The following ADAMTS19 variants were observed in gnomAD, a reference collection of about 807,000 sequenced individuals.
The protein encoded by ADAMTS19 is A disintegrin and metalloproteinase with thrombospondin motifs 19.
A neutral mutation model predicts 153.3 loss-of-function variants in ADAMTS19; 93 were observed. The observed-to-expected ratio is 0.61, with a 90% CI of 0.51 to 0.72. The LOEUF (loss-of-function observed/expected upper bound fraction) is 0.72, where lower values mean the gene tolerates loss of function less well. ADAMTS19 is among the 30% of genes least tolerant of loss of function. ADAMTS19 has a pLI of 0.00. For synonymous variants in ADAMTS19, 600 were observed against 556.6 expected (o/e 1.08, Z -1.10); for missense variants, 1,482 against 1,552.1 (o/e 0.95, Z 0.76).
intron 8 of ADAMTS19, 95 bp downstream of exon 8, chr5:129,596,759 G>T: frequency 1.1e-6 from 1 of 952,248 alleles, no homozygotes; most frequent in Admixed American, 2.7e-5. Flanking sequence ...TTTTAATTTG[G>T]GCTTCAAGTT....
Position 129,460,327 on chromosome 5 carries a change from C to T in ADAMTS19, c.-65C>T, listed in dbSNP as rs902239579. The stretch of plus-strand genomic sequence containing the variant: ...TCCTAGCGCTCCGGGGAGGCCGCTG[C>T]GCCCCGGAGTGGATCGCGCTGGAGG... On this transcript the variant is annotated 5_prime_UTR_variant, in exon 1 of 23. Transcript: ENST00000274487. 2 of 1,333,378 alleles carry T rather than the reference C, an allele frequency of 1.5e-6. No homozygotes were observed. Among genetic ancestry groups the T allele is most frequent in the Non-Finnish European group, 1.0e-6 (1 of 972,104 alleles). The allele number at this position is 1,333,378 out of a possible 1,614,324, so 82.6% of individuals were successfully genotyped here.
intron 13 of ADAMTS19, among the ~76,000 whole-genome samples, chr5:129,649,260 G>A (rs1447804129): frequency 6.6e-6 from 1 of 152,140 alleles, no homozygotes; most frequent in Non-Finnish European, 1.5e-5. Flanking sequence ...TGCTTGGTGG[G>A]ATTGTAAAAT....
At chr5:129,489,318 T>C (rs372477107) in intron 2 of ADAMTS19, among the ~76,000 whole-genome samples, 14 of 152,200 alleles carry the variant, frequency 9.2e-5, no homozygotes, top group Admixed American at 7.2e-4. Context: ...ATGTTAACAA[T>C]AAGAAAAATA....
intron 18 of ADAMTS19, among the ~76,000 whole-genome samples, chr5:129,685,329 G>C (rs1211858260): frequency 1.3e-5 from 2 of 150,930 alleles, no homozygotes; most frequent in Non-Finnish European, 2.9e-5. Context: ...GAGATGAGGA[G>C]AAATAAGCAA....
intron 2 of ADAMTS19, among the ~76,000 whole-genome samples, chr5:129,479,643 GT>G (rs1314381378): frequency 6.6e-6 from 1 of 152,010 alleles, no homozygotes; most frequent in African/African-American, 2.4e-5. Flanking sequence ...ACAAATACGA[GT>G]TTTTTTATAG....
rs1040271619 is a variant in ADAMTS19, at chr5:129,605,249, T to C, written c.1478+8585T>C. On this transcript the variant is annotated intron_variant, in intron 8 of 22. Coordinates refer to ENST00000274487, the MANE Select transcript of ADAMTS19 (RefSeq NM_133638.6). ...CAGAACCTTCCAAGAGCTTCCTGGTTCACTCTGTAAAATCCCCAGCCCACA... is the reference window on the plus strand; with the variant it reads ...CAGAACCTTCCAAGAGCTTCCTGGTCCACTCTGTAAAATCCCCAGCCCACA... Among the ~76,000 whole-genome samples the C allele has an allele frequency of 2.6e-5, 4 of 152,218 alleles. No homozygotes were observed. The East Asian group carries it at 7.7e-4, about 29-fold the overall frequency.
rs146703140 is a variant in ADAMTS19, at chr5:129,701,420, G to A, written c.2987G>A (p.Arg996Gln). The part of the protein sequence containing the change: ...WMMTEWTPCS[R>Q]TCGKGMQSRQ... ...ATGACAGAATGGACCCCTTGTTCAC[G>A]AACTTGTGGAAAAGGAATGCAGAGC... The change falls in exon 20 of 23, where the codon CGA becomes CAA. Residue 996 changes from arginine to glutamine, a missense_variant. Arg to Gln is a conservative substitution (Grantham distance 43). Around this residue, in one of 2 missense-constraint regions of ADAMTS19, gnomAD observed 616 missense variants for 724.4 expected, o/e 0.85. Coordinates refer to ENST00000274487, the MANE Select transcript of ADAMTS19 (RefSeq NM_133638.6). The A allele has an allele frequency of 2.0e-5, 32 of 1,614,088 alleles. No individual in the cohort carries two copies. Among genetic ancestry groups the A allele is most frequent in the Admixed American group, 6.7e-5 (4 of 60,010 alleles).
At chr5:129,512,399 T>C (rs1751468422) in intron 3 of ADAMTS19, among the ~76,000 whole-genome samples, 1 of 152,086 alleles carries the variant, frequency 6.6e-6, no homozygotes, top group South Asian at 2.1e-4. Flanking sequence ...AAGTGTACGG[T>C]ATCAACTGTG....
chr5:129,691,610 GT>G (rs967738143), intron 18 of ADAMTS19, among the ~76,000 whole-genome samples: 6 of 152,048 alleles, frequency 3.9e-5, no homozygotes, highest in African/African-American at 1.4e-4. Context: ...TGAGCAATGA[GT>G]TTTTTTCTAA....
At position 129,637,380 on chromosome 5, in the gene ADAMTS19, CT is replaced by C. The variant is rs1752577628; in HGVS notation, c.1771-4478del. 2.6e-5 allele frequency among the ~76,000 whole-genome samples: 4 copies of C among 152,118 alleles called. No homozygotes were observed. In the South Asian group the frequency reaches 8.3e-4, roughly 32 times the overall value. Reference sequence around the variant, plus strand: ...TAATTTGGTCATGGATAGATTCAGTCTGTTGAAATTTGTTTAGCATACTCAG... The same window carrying C: ...TAATTTGGTCATGGATAGATTCAGTCGTTGAAATTTGTTTAGCATACTCAG... On this transcript the variant is annotated intron_variant, in intron 10 of 22. Coordinates refer to ENST00000274487, the MANE Select transcript of ADAMTS19 (RefSeq NM_133638.6).
At chr5:129,719,046 A>G (rs1039523842) in intron 21 of ADAMTS19, among the ~76,000 whole-genome samples, 5 of 152,262 alleles carry the variant, frequency 3.3e-5, no homozygotes, top group African/African-American at 1.2e-4. Flanking sequence ...AAGTGTGAGA[A>G]TTATGATTTT....
At chr5:129,545,505 T>C (rs1421261954) in intron 6 of ADAMTS19, among the ~76,000 whole-genome samples, 3 of 152,136 alleles carry the variant, frequency 2.0e-5, no homozygotes, top group Non-Finnish European at 4.4e-5. Context: ...AAATAGATAA[T>C]GGTAAGAATT....
chr5:129,528,342 GTTTTAAGCTTT>G (rs1254845628), intron 5 of ADAMTS19, among the ~76,000 whole-genome samples, 167 bp from the exon 6 acceptor site: 1 of 151,926 alleles, frequency 6.6e-6, no homozygotes, highest in Non-Finnish European at 1.5e-5. Flanking sequence ...CCTTCACCAA[GTTTTAAGCTTT>G]TAAGCTCAGG....
intron 6 of ADAMTS19, among the ~76,000 whole-genome samples, chr5:129,543,346 C>G (rs1460493124): frequency 6.6e-6 from 1 of 151,968 alleles, no homozygotes; most frequent in Non-Finnish European, 1.5e-5. Context: ...GCCACTGCAC[C>G]CAGCCTGGAT....
rs1280918406 is a variant in ADAMTS19 at position 129,654,391 on chromosome 5, T to C, written c.2262T>C (p.Cys754=). The C allele has an allele frequency of 6.2e-6, 10 of 1,613,034 alleles. No individual in the cohort carries two copies. The highest frequency in any genetic ancestry group is 8.5e-6 in the Non-Finnish European group (10 of 1,179,754). The part of the protein sequence containing the change: ...LSEKVMDGTS[C]GYQGLDICAN... ...AAAAAGTGATGGATGGAACTTCTTGTGGCTATCAGGGATTAGATATCTGTG... is the reference window on the plus strand; with the variant it reads ...AAAAAGTGATGGATGGAACTTCTTGCGGCTATCAGGGATTAGATATCTGTG... Residue 754 remains cysteine, a synonymous_variant, in exon 14 of 23, where the codon TGT becomes TGC. Coordinates refer to ENST00000274487, the MANE Select transcript of ADAMTS19 (RefSeq NM_133638.6).
Position 129,504,241 on chromosome 5 carries a change from A to T in ADAMTS19, c.748-4836A>T, listed in dbSNP as rs528542760. 3.9e-5 allele frequency among the ~76,000 whole-genome samples: 6 copies of T among 152,270 alleles called. No individual in the cohort carries two copies. In the East Asian group the frequency reaches 1.2e-3, roughly 29 times the overall value. On this transcript the variant is annotated intron_variant, in intron 2 of 22. Transcript: ENST00000274487. The stretch of plus-strand genomic sequence containing the variant: ...TAAGGAGCATCCTTGCACTTGTCTT[A>T]TGCAAATCCTGCTGTCTCTCAGGAC...
intron 2 of ADAMTS19, among the ~76,000 whole-genome samples, chr5:129,470,340 T>A (rs1750021879): frequency 1.3e-5 from 2 of 152,312 alleles, no homozygotes; most frequent in Admixed American, 6.5e-5. Context: ...ATTTGCAAAA[T>A]GAAGAAGAAT....
At chr5:129,466,241 G>A (rs1218586667) in intron 2 of ADAMTS19, among the ~76,000 whole-genome samples, 1 of 152,118 alleles carries the variant, frequency 6.6e-6, no homozygotes, top group African/African-American at 2.4e-5. Flanking sequence ...CTCAAGGAGA[G>A]CTGAGTAAAC....
rs532334740 is a variant in ADAMTS19 at position 129,577,054 on chromosome 5, T to C, written c.1373-19505T>C. On this transcript the variant is annotated intron_variant, in intron 7 of 22. Transcript: ENST00000274487. ...CCTAATTACTCAGTATTTTCACTGC[T>C]TTTCTTCTTGAGCCATCCTATACTG... is the stretch of plus-strand genomic sequence containing the variant. 2.0e-4 allele frequency among the ~76,000 whole-genome samples: 30 copies of C among 152,210 alleles called. No homozygotes were observed. The South Asian group carries it at 4.8e-3, about 24-fold the overall frequency.
Sources: allele counts gnomAD v4.1 joint callset (sites outside exome capture counted in the v4.1 genomes callset), GRCh38; gene constraint gnomAD v4.1.1; regional missense constraint gnomAD v4.1.1; transcripts MANE v1.5; gene names NCBI Gene and HGNC (gene_info 2026-07-23, HGNC 2026-07-21).